Variants in GRIA2 observed in about 807,000 individuals in gnomAD.
GRIA2 encodes the protein glutamate receptor 2.
GRIA2 carries 14 observed loss-of-function variants against 97.3 expected under a neutral mutation model. That is an observed-to-expected ratio of 0.14 (90% confidence interval 0.10 to 0.23). GRIA2 has a LOEUF of 0.23. Ranked by LOEUF, GRIA2 falls within the 10% of genes least tolerant of loss-of-function variation. The probability of loss-of-function intolerance (pLI) is 1.00; values close to 1 mark genes in which losing one functional copy is unlikely to be tolerated. For synonymous variants in GRIA2, 412 were observed against 387.8 expected, an observed-to-expected ratio of 1.06 and a Z score of -0.73; for missense variants, 558 against 1,069.8, an observed-to-expected ratio of 0.52 and a Z score of 6.67.
At position 157,302,503 on chromosome 4, in the gene GRIA2, T is replaced by A. The variant is rs565244993; in HGVS notation, c.230-1049T>A. ...TATTTTGAATGTAGCATCTATCTCC[T>A]ATGCAAGTGTCTTTGGTAGTTCACT... On this transcript the variant is annotated intron_variant, in intron 2 of 15. Transcript: ENST00000264426. Among the ~76,000 whole-genome samples the A allele has an allele frequency of 6.0e-4, 91 of 152,284 alleles. No individual in the cohort carries two copies. The South Asian group carries it at 6.6e-3, about 11-fold the overall frequency.
chr4:157,233,457 T>C, intron 2 of GRIA2, among the ~76,000 whole-genome samples: 1 of 152,230 alleles, frequency 6.6e-6, no homozygotes, highest in South Asian at 2.1e-4. Context: ...TTAATTAAAT[T>C]AAATTTATTT....
At chr4:157,301,948 G>A (rs1376636202) in intron 2 of GRIA2, among the ~76,000 whole-genome samples, 3 of 152,042 alleles carry the variant, frequency 2.0e-5, no homozygotes, top group African/African-American at 4.8e-5. Flanking sequence ...GCCGAGGCTG[G>A]TGGATCACGA....
rs767782426 is a variant in GRIA2 at position 157,221,103 on chromosome 4, G to A, written c.61G>A (p.Gly21Ser). The A allele has an allele frequency of 1.3e-6, 2 of 1,579,158 alleles. No individual in the cohort carries two copies. Among genetic ancestry groups the A allele is most frequent in the Admixed American group, 1.7e-5 (1 of 59,976 alleles). The change falls in exon 1 of 16, where the codon GGT becomes AGT. Residue 21 changes from glycine to serine, a missense_variant. Gly to Ser is a moderately conservative substitution (Grantham distance 56). Around this residue, in one of 8 missense-constraint regions of GRIA2, gnomAD observed 96 missense variants for 176.6 expected, o/e 0.54. Coordinates refer to ENST00000264426, the MANE Select transcript of GRIA2 (RefSeq NM_001083619.3). ...TCCTGTTTTATGGGGACTGATTTTTGGTGTCTCTTCTAACAGCATACAGAT... is the reference window on the plus strand; with the variant it reads ...TCCTGTTTTATGGGGACTGATTTTTAGTGTCTCTTCTAACAGCATACAGAT... Reference protein sequence around the residue: ...LSPVLWGLIFGVSSNSIQIGG... With the variant: ...LSPVLWGLIFSVSSNSIQIGG...
At chr4:157,248,571 G>GTATATATATATACGTGTA (rs70958814) in intron 2 of GRIA2, among the ~76,000 whole-genome samples, 1 of 4,528 alleles carries the variant, frequency 2.2e-4, no homozygotes, top group African/African-American at 9.2e-4. Context: ...ATATACGTGT[G>GTATATATATATACGTGTA]TATATATATA....
chr4:157,220,765 C>A lies in GRIA2; in HGVS notation c.-278C>A. On this transcript the variant is annotated 5_prime_UTR_variant, in exon 1 of 16. Transcript: ENST00000264426. ...GTGCATGGGAGGGTGCTGAATATTC[C>A]GAGACACTGGGACCACAGCGGCAGC... The A allele has an allele frequency of 2.0e-6, 1 of 503,800 alleles. No homozygotes were observed. The highest frequency in any genetic ancestry group is 3.6e-6 in the Non-Finnish European group (1 of 278,344). 31.2% of individuals were successfully genotyped at this position (503,800 alleles called of 1,614,324 possible). A position where few individuals can be genotyped will look rare whatever the true frequency, so the allele number is the denominator to read the frequency against.
At chr4:157,300,945 A>G (rs1275636393) in intron 2 of GRIA2, among the ~76,000 whole-genome samples, 2 of 152,074 alleles carry the variant, frequency 1.3e-5, no homozygotes, top group African/African-American at 4.8e-5. Context: ...GTGTATTCAA[A>G]CAGTGGCATT....
chr4:157,315,720 T>G (rs1211492588), intron 4 of GRIA2, among the ~76,000 whole-genome samples: 1 of 152,082 alleles, frequency 6.6e-6, no homozygotes, highest in East Asian at 1.9e-4. Context: ...TTGTAATTTT[T>G]AGTAGAGACC....
chr4:157,352,842 C>A (rs1736073300), intron 12 of GRIA2, among the ~76,000 whole-genome samples: 1 of 151,800 alleles, frequency 6.6e-6, no homozygotes, highest in African/African-American at 2.4e-5. Flanking sequence ...CAACTGAGGT[C>A]AGGAATTTGA....
chr4:157,296,175 A>G (rs1440295310), intron 2 of GRIA2, among the ~76,000 whole-genome samples: 1 of 152,184 alleles, frequency 6.6e-6, no homozygotes, highest in Non-Finnish European at 1.5e-5. Context: ...TATTCTAAAT[A>G]TTATATTTTC....
intron 4 of GRIA2, among the ~76,000 whole-genome samples, chr4:157,316,509 G>T (rs192358800): frequency 6.6e-6 from 1 of 152,178 alleles, no homozygotes; most frequent in Admixed American, 6.5e-5. Context: ...CTCCCAGGGG[G>T]TGTAAGAATG....
Position 157,221,762 on chromosome 4 carries a change from A to G in GRIA2, c.184A>G (p.Ile62Val), listed in dbSNP as rs1159179484. 1.2e-6 allele frequency: 2 copies of G among 1,613,910 alleles called. No individual in the cohort carries two copies. The highest frequency in any genetic ancestry group is 1.7e-5 in the Admixed American group (1 of 60,030). The change falls in exon 2 of 16, where the codon ATC (isoleucine) becomes GTC (valine). Residue 62 changes from isoleucine (I) to valine (V), a missense_variant. Ile to Val is a conservative substitution (Grantham distance 29). This residue lies in a region of GRIA2 where 96 missense variants were observed against 176.6 expected (regional missense o/e 0.54). Coordinates refer to ENST00000264426, the MANE Select transcript of GRIA2 (RefSeq NM_001083619.3). ...STSEFRLTPH[I>V]DNLEVANSFA... Reference sequence around the variant, plus strand: ...TTCGGAGTTCAGACTGACACCCCACATCGACAATTTGGAGGTGGCAAACAG... The same window carrying G: ...TTCGGAGTTCAGACTGACACCCCACGTCGACAATTTGGAGGTGGCAAACAG...
At chr4:157,258,992 C>G (rs987528391) in intron 2 of GRIA2, among the ~76,000 whole-genome samples, 1 of 151,970 alleles carries the variant, frequency 6.6e-6, no homozygotes, top group East Asian at 1.9e-4. Flanking sequence ...CAAGACAGGA[C>G]AGGATGATTG....
At chr4:157,336,335 C>T (rs1454636858) in intron 10 of GRIA2, 42 bp from the exon 11 acceptor site, 4 of 1,452,670 alleles carry the variant, frequency 2.8e-6, no homozygotes, top group South Asian at 1.5e-5. Context: ...CCTTTTTCAC[C>T]ATGACTCCAG....
chr4:157,300,322 T>C (rs1239350957), intron 2 of GRIA2, among the ~76,000 whole-genome samples: 1 of 152,122 alleles, frequency 6.6e-6, no homozygotes, highest in East Asian at 1.9e-4. Context: ...ATACGAACAG[T>C]CTTGGATATT....
chr4:157,338,581 T>C (rs1232999623), intron 11 of GRIA2, among the ~76,000 whole-genome samples: 1 of 152,046 alleles, frequency 6.6e-6, no homozygotes, highest in African/African-American at 2.4e-5. Context: ...ATTAAGATGT[T>C]TTTTCTGTGC....
intron 6 of GRIA2, among the ~76,000 whole-genome samples, chr4:157,326,604 A>C (rs1488081886): frequency 6.6e-6 from 1 of 152,186 alleles, no homozygotes; most frequent in Non-Finnish European, 1.5e-5. Flanking sequence ...ATGGAATTGG[A>C]GACCTGAAGA....
chr4:157,317,676 C>A lies in GRIA2; in HGVS notation c.685C>A (p.His229Asn). Residue 229 changes from histidine to asparagine, a missense_variant, in exon 5 of 16, where the codon CAT becomes AAT. Physicochemically the swap from His to Asn is moderately conservative, Grantham distance 68. Transcript: ENST00000264426. ...TTATTAGGTTATTACCATTGGAAAA[C>A]ATGTTAAAGGGTACCACTACATCAT... The part of the protein sequence containing the change: ...IVDQVITIGK[H>N]VKGYHYIIAN... 1.6e-6 allele frequency: 2 copies of A among 1,236,594 alleles called. No individual in the cohort carries two copies. Among genetic ancestry groups the A allele is most frequent in the Non-Finnish European group, 2.4e-6 (2 of 845,850 alleles). 76.6% of individuals were successfully genotyped at this position (1,236,594 alleles called of 1,614,324 possible). A position where few individuals can be genotyped will look rare whatever the true frequency, so the allele number is the denominator to read the frequency against.
At position 157,359,908 on chromosome 4, in the gene GRIA2, G is replaced by T. The variant is rs1736561422; in HGVS notation, c.2056G>T (p.Ala686Ser). Residue 686 changes from alanine (A) to serine (S), a missense_variant, in exon 13 of 16, where the codon GCA becomes TCA. Coordinates refer to ENST00000264426, the MANE Select transcript of GRIA2 (RefSeq NM_001083619.3). Reference protein sequence around the residue: ...TKEFFRRSKIAVFDKMWTYMR... With the variant: ...TKEFFRRSKISVFDKMWTYMR... ...ACTTTTCCTGCAGAGATCTAAAATTGCAGTGTTTGATAAAATGTGGACCTA... is the reference window on the plus strand; with the variant it reads ...ACTTTTCCTGCAGAGATCTAAAATTTCAGTGTTTGATAAAATGTGGACCTA... The T allele has an allele frequency of 1.9e-6, 3 of 1,613,402 alleles. No homozygotes were observed. Among genetic ancestry groups the T allele is most frequent in the South Asian group, 1.1e-5 (1 of 91,074 alleles).
At chr4:157,244,465 T>C (rs1249722578) in intron 2 of GRIA2, among the ~76,000 whole-genome samples, 2 of 152,088 alleles carry the variant, frequency 1.3e-5, no homozygotes, top group Non-Finnish European at 2.9e-5. Context: ...AAGATTTCCA[T>C]ACTCACAAAA....
Sources: allele counts gnomAD v4.1 joint callset (sites outside exome capture counted in the v4.1 genomes callset), GRCh38; gene constraint gnomAD v4.1.1; regional missense constraint gnomAD v4.1.1; transcripts MANE v1.5; gene names NCBI Gene and HGNC (gene_info 2026-07-23, HGNC 2026-07-21).